NBAS: variants seen among roughly 807,000 people sequenced by gnomAD.
NBAS encodes the protein NAG/BC035112 fusion.
A neutral mutation model predicts 302.5 loss-of-function variants in NBAS; 219 were observed. That is an observed-to-expected ratio of 0.72 (90% CI 0.65 to 0.81). The LOEUF is 0.81. Ranked by LOEUF, NBAS falls within the 30% of genes least tolerant of loss-of-function variation. The pLI, the probability that NBAS is intolerant of heterozygous loss-of-function variation, is 0.00. For synonymous variants in NBAS, 1,118 were observed against 1,021.6 expected (o/e 1.09, Z -1.80); for missense variants, 2,932 against 2,841.6 (o/e 1.03, Z -0.72).
At chr2:15,341,922 G>T (rs1672871087) in intron 35 of NBAS, among the ~76,000 whole-genome samples, 1 of 152,118 alleles carries the variant, frequency 6.6e-6, no homozygotes, top group Admixed American at 6.6e-5. Flanking sequence ...TTACCATCCA[G>T]ATCACTGATG....
intron 24 of NBAS, among the ~76,000 whole-genome samples, chr2:15,416,746 C>T (rs923417903): frequency 1.3e-4 from 18 of 143,726 alleles, no homozygotes; most frequent in African/African-American, 4.7e-4. Context: ...ATGGAGGTTA[C>T]AGTGAGCCAA....
At chr2:15,287,022 G>C in intron 42 of NBAS, 51 bp downstream of exon 42, 1 of 1,408,280 alleles carries the variant, frequency 7.1e-7, no homozygotes, top group Non-Finnish European at 1.0e-6. Flanking sequence ...TTCAAAAATA[G>C]ACTCTAAAGA....
chr2:15,291,258 G>A (rs1670292811), intron 41 of NBAS, among the ~76,000 whole-genome samples: 1 of 152,124 alleles, frequency 6.6e-6, no homozygotes, highest in Non-Finnish European at 1.5e-5. Context: ...CACCATCTAT[G>A]GAACTTAGGC....
At chr2:15,018,634 T>C in the NBAS span, among the ~76,000 whole-genome samples, 1 of 150,834 alleles carries the variant, frequency 6.6e-6, no homozygotes. Flanking sequence ...TAGATTATTT[T>C]TCCTCTTTAT....
At chr2:15,193,283 T>C (rs547017290) in intron 48 of NBAS, among the ~76,000 whole-genome samples, 1 of 152,288 alleles carries the variant, frequency 6.6e-6, no homozygotes, top group East Asian at 1.9e-4. Flanking sequence ...TACATACTTA[T>C]CCATTTGTGC....
chr2:15,517,484 G>A (rs1034057980), intron 9 of NBAS, among the ~76,000 whole-genome samples: 1 of 151,960 alleles, frequency 6.6e-6, no homozygotes, highest in Non-Finnish European at 1.5e-5. Flanking sequence ...ATGGAAGTAG[G>A]GAATTTTGTT....
intron 28 of NBAS, 106 bp from the exon 29 acceptor site, chr2:15,383,423 T>C: frequency 1.2e-6 from 1 of 854,824 alleles, no homozygotes. Context: ...ACCACCACTC[T>C]ATATCCACAT....
intron 51 of NBAS, among the ~76,000 whole-genome samples, chr2:15,175,557 A>G (rs189052914): frequency 6.6e-6 from 1 of 152,286 alleles, no homozygotes; most frequent in African/African-American, 2.4e-5. Flanking sequence ...CATCTTAGAG[A>G]GAATACGGTT....
chr2:15,034,026 A>AGAAGAAGAAGAAGAG, the NBAS span, among the ~76,000 whole-genome samples: 9 of 50,098 alleles, frequency 1.8e-4, no homozygotes, highest in Non-Finnish European at 2.5e-4. Context: ...AAGAAGAAGA[A>AGAAGAAGAAGAAGAG]GAGGAGGAGG....
At chr2:15,553,885 T>C (rs1187509279) in intron 4 of NBAS, among the ~76,000 whole-genome samples, 176 bp downstream of exon 4, 8 of 130,958 alleles carry the variant, frequency 6.1e-5, no homozygotes, top group African/African-American at 1.9e-4. Flanking sequence ...TCTCTCTCCC[T>C]CTCTCTCTTT....
At chr2:15,346,243 T>C (rs1673082062) in intron 35 of NBAS, among the ~76,000 whole-genome samples, 1 of 152,128 alleles carries the variant, frequency 6.6e-6, no homozygotes, top group South Asian at 2.1e-4. Flanking sequence ...GAGAAAATTT[T>C]TGTAATCTAC....
At chr2:14,815,854 C>T in the NBAS span, among the ~76,000 whole-genome samples, 1 of 152,120 alleles carries the variant, frequency 6.6e-6, no homozygotes, top group Admixed American at 6.5e-5. Context: ...AACTATCTAC[C>T]CAGACAACTA....
chr2:15,051,362 C>A, the NBAS span, among the ~76,000 whole-genome samples: 1 of 152,172 alleles, frequency 6.6e-6, no homozygotes, highest in Non-Finnish European at 1.5e-5. Flanking sequence ...TATAGCTACA[C>A]TGGTATTTCA....
chr2:14,792,258 T>C, the NBAS span, among the ~76,000 whole-genome samples: 6 of 152,230 alleles, frequency 3.9e-5, no homozygotes, highest in Non-Finnish European at 5.9e-5. Flanking sequence ...GATAATGCTA[T>C]GTTAAGTTGA....
the NBAS span, among the ~76,000 whole-genome samples, chr2:15,075,760 T>TACACAC: frequency 0.016 from 2,448 of 150,034 alleles, 68 homozygotes; most frequent in African/African-American, 0.052. Context: ...CCAAAATTTA[T>TACACAC]ACACACACAC....
the NBAS span, among the ~76,000 whole-genome samples, chr2:15,003,414 G>A: frequency 6.6e-6 from 1 of 152,126 alleles, no homozygotes; most frequent in Non-Finnish European, 1.5e-5. Flanking sequence ...TCTAGGTACT[G>A]TGAACACAGC....
intron 44 of NBAS, among the ~76,000 whole-genome samples, chr2:15,245,434 T>C (rs1229708938): frequency 6.6e-6 from 1 of 152,144 alleles, no homozygotes; most frequent in Non-Finnish European, 1.5e-5. Context: ...CGAGAGGCCT[T>C]CCCTGACCAC....
chr2:14,864,112 T>G, the NBAS span, among the ~76,000 whole-genome samples: 1 of 151,398 alleles, frequency 6.6e-6, no homozygotes, highest in East Asian at 1.9e-4. Flanking sequence ...AGGTCAGGAG[T>G]TCGAGACCAG....
At chr2:14,929,532 C>G in the NBAS span, among the ~76,000 whole-genome samples, 1 of 152,124 alleles carries the variant, frequency 6.6e-6, no homozygotes, top group Non-Finnish European at 1.5e-5. Flanking sequence ...CGTGCGCCAC[C>G]ACACCCAGCC....
Sources: gnomAD v4.1 joint callset for allele counts (sites outside exome capture counted in the v4.1 genomes callset) on GRCh38, gnomAD v4.1.1 for gene constraint, MANE v1.5 for transcripts, NCBI Gene and HGNC (gene_info 2026-07-23, HGNC 2026-07-21) for gene names.